Variants in CPM observed in about 807,000 individuals in gnomAD.
CPM encodes the protein renal carboxypeptidase.
A neutral mutation model predicts 46.4 loss-of-function variants in CPM; 35 were observed. The observed-to-expected ratio is 0.75, with a 90% CI of 0.58 to 1.00. The LOEUF is 1.00. CPM is among the 50% of genes least tolerant of loss of function. The probability of loss-of-function intolerance (pLI) is 0.00; values close to 1 mark genes in which losing one functional copy is unlikely to be tolerated. For missense variants in CPM, 422 were observed against 530.4 expected (o/e 0.80, Z 2.01); for synonymous variants, 195 against 195.3 (o/e 1.00, Z 0.01).
downstream of CPM, chr12:68,847,381 C>G (rs1266830708): frequency 1.4e-5 from 2 of 146,700 alleles, no homozygotes; most frequent in Non-Finnish European, 3.0e-5. Context: ...CTGAGGTATT[C>G]TGTTCATACC....
intron 3 of CPM, among the ~76,000 whole-genome samples, chr12:68,882,414 C>A (rs1205408989): frequency 6.6e-6 from 1 of 151,930 alleles, no homozygotes; most frequent in African/African-American, 2.4e-5. Flanking sequence ...TTTTTCATGG[C>A]TGCATAGTAT....
At chr12:68,879,600 A>C (rs1191982192) in intron 3 of CPM, among the ~76,000 whole-genome samples, 2 of 152,116 alleles carry the variant, frequency 1.3e-5, no homozygotes, top group Non-Finnish European at 2.9e-5. Flanking sequence ...CCTGGCCTCA[A>C]GCAATCTCCC....
At chr12:68,847,189 G>A (rs1884362171), downstream of CPM, 1 of 58,110 alleles carries the variant, frequency 1.7e-5, no homozygotes, top group Non-Finnish European at 3.5e-5. Context: ...ATGTATGTGT[G>A]TGTACATTAT....
At chr12:68,955,136 G>A (rs930672716) in intron 1 of CPM, among the ~76,000 whole-genome samples, 11 of 152,192 alleles carry the variant, frequency 7.2e-5, no homozygotes, top group South Asian at 2.1e-4. Context: ...CTGCTGGGCC[G>A]AGTGGGCAGA....
intron 2 of CPM, among the ~76,000 whole-genome samples, chr12:68,913,586 A>C (rs1887686937): frequency 6.6e-6 from 1 of 152,142 alleles, no homozygotes; most frequent in Non-Finnish European, 1.5e-5. Context: ...GATCACGTGT[A>C]CATCAACTAG....
intron 1 of CPM, among the ~76,000 whole-genome samples, chr12:68,961,916 A>G (rs1310709990): frequency 6.6e-6 from 1 of 152,024 alleles, no homozygotes; most frequent in African/African-American, 2.4e-5. Context: ...CTGTGGTAAT[A>G]ATGGCCGGGC....
chr12:68,955,504 TGG>T (rs66949427), intron 1 of CPM, among the ~76,000 whole-genome samples: 1 of 149,070 alleles, frequency 6.7e-6, no homozygotes, highest in Admixed American at 6.7e-5. Context: ...TGTGTGGGGG[TGG>T]GGGGGGCATG....
In CPM at chr12:68,912,806, G is replaced by C. The variant is rs189031281; in HGVS notation, c.160+19872C>G. Reference sequence around the variant, plus strand: ...TAGAGGAAATACAGTTTGGACTGCTGATTGAGCAAGCCTCAGGGTTTTGGC... The same window carrying C: ...TAGAGGAAATACAGTTTGGACTGCTCATTGAGCAAGCCTCAGGGTTTTGGC... On this transcript the variant is annotated intron_variant, in intron 2 of 8. Coordinates refer to ENST00000551568, the MANE Select transcript of CPM (RefSeq NM_198320.5). Among the ~76,000 whole-genome samples the C allele has an allele frequency of 2.3e-3, 353 of 152,324 alleles. 1 individual carries two copies. The highest frequency in any genetic ancestry group is 8.0e-3 in the African/African-American group (333 of 41,562).
chr12:68,907,661 A>G (rs1887409797), intron 2 of CPM, among the ~76,000 whole-genome samples: 1 of 152,154 alleles, frequency 6.6e-6, no homozygotes, highest in African/African-American at 2.4e-5. Context: ...AGAATCATCT[A>G]CAGAAGGCTT....
intron 2 of CPM, among the ~76,000 whole-genome samples, chr12:68,927,809 C>A (rs1046081106): frequency 6.6e-6 from 1 of 152,134 alleles, no homozygotes; most frequent in African/African-American, 2.4e-5. Flanking sequence ...ATCCAACTTA[C>A]AAGGGACATG....
chr12:68,931,503 G>A (rs1483385818), intron 2 of CPM, among the ~76,000 whole-genome samples: 1 of 152,004 alleles, frequency 6.6e-6, no homozygotes, highest in East Asian at 1.9e-4. Flanking sequence ...CTAGCACTTT[G>A]GGAGGCCGAA....
At chr12:68,894,230 A>C (rs1886774240) in intron 2 of CPM, among the ~76,000 whole-genome samples, 1 of 152,120 alleles carries the variant, frequency 6.6e-6, no homozygotes. Flanking sequence ...AATGTAACCC[A>C]CAAGGGCACT....
chr12:68,939,125 G>A (rs1054344640), intron 1 of CPM, among the ~76,000 whole-genome samples: 1 of 144,420 alleles, frequency 6.9e-6, no homozygotes, highest in African/African-American at 2.5e-5. Flanking sequence ...ATACATATAT[G>A]TATGTATATA....
chr12:68,946,835 G>A (rs1028592624), intron 1 of CPM, among the ~76,000 whole-genome samples: 6 of 152,082 alleles, frequency 3.9e-5, no homozygotes, highest in South Asian at 4.1e-4. Context: ...AAAGAAATGC[G>A]CTCCAAAATT....
intron 2 of CPM, among the ~76,000 whole-genome samples, chr12:68,927,348 T>G (rs542847635): frequency 8.5e-5 from 13 of 152,126 alleles, no homozygotes; most frequent in African/African-American, 3.1e-4. Flanking sequence ...GTTTTTTGGC[T>G]GCATAAATGT....
intron 8 of CPM, 86 bp downstream of exon 8, chr12:68,858,837 T>C (rs970504744): frequency 7.0e-6 from 6 of 859,566 alleles, no homozygotes; most frequent in African/African-American, 1.8e-5. Context: ...TTGAACTTCC[T>C]AGACTTATTT....
upstream of CPM, among the ~76,000 whole-genome samples, chr12:68,937,765 T>G (rs1403426989): frequency 6.6e-6 from 1 of 152,372 alleles, no homozygotes; most frequent in Non-Finnish European, 1.5e-5. Flanking sequence ...TTAATTTTCT[T>G]TTTTACATCT....
chr12:68,888,246 G>A (rs1050664127), intron 2 of CPM, among the ~76,000 whole-genome samples: 2 of 152,132 alleles, frequency 1.3e-5, no homozygotes, highest in Non-Finnish European at 2.9e-5. Context: ...GATAATGTAA[G>A]ATGACATAAA....
intron 2 of CPM, among the ~76,000 whole-genome samples, chr12:68,919,088 C>T (rs1887931350): frequency 1.3e-5 from 2 of 152,246 alleles, no homozygotes; most frequent in East Asian, 1.9e-4. Flanking sequence ...ACATCACTTG[C>T]ACTTTGTGCA....
Sources: gnomAD v4.1 joint callset for allele counts (sites outside exome capture counted in the v4.1 genomes callset) on GRCh38, gnomAD v4.1.1 for gene constraint, MANE v1.5 for transcripts, NCBI Gene and HGNC (gene_info 2026-07-23, HGNC 2026-07-21) for gene names.